Variants in COPRS observed in about 807,000 individuals in gnomAD.
COPRS encodes cooperator of PRMT5.
A neutral mutation model predicts 19.9 loss-of-function variants in COPRS; 11 were observed. That is an observed-to-expected ratio of 0.55 (90% CI 0.35 to 0.92). The LOEUF is 0.92. COPRS is among the 40% of genes least tolerant of loss of function. The pLI is 0.01. For missense variants in COPRS, 225 were observed against 229.9 expected (o/e 0.98, Z 0.14); for synonymous variants, 81 against 82.7 (o/e 0.98, Z 0.11).
chr17:31,852,037 G>A lies in COPRS; in HGVS notation c.*102C>T. On this transcript the variant is annotated 3_prime_UTR_variant, in exon 4 of 4. Coordinates refer to ENST00000302362, the MANE Select transcript of COPRS (RefSeq NM_018405.4). ...CTGGTCTGTGTACCCCAGACTAGGGGTCACTGCAAACATTTTCTCAGATAT... is the reference window on the plus strand; with the variant it reads ...CTGGTCTGTGTACCCCAGACTAGGGATCACTGCAAACATTTTCTCAGATAT... 7.3e-7 allele frequency: 1 copy of A among 1,361,614 alleles called. No individual in the cohort carries two copies. 84.3% of individuals were successfully genotyped at this position (1,361,614 alleles called of 1,614,324 possible).
At chr17:31,857,795 A>C (rs1442820185) in intron 1 of COPRS, among the ~76,000 whole-genome samples, 1 of 152,164 alleles carries the variant, frequency 6.6e-6, no homozygotes, top group Non-Finnish European at 1.5e-5. Flanking sequence ...ATGATTAGAC[A>C]CCATTTATGA....
Position 31,852,813 on chromosome 17 carries a change from A to G in COPRS, c.384T>C (p.Tyr128=), listed in dbSNP as rs1909205000. ...SELKADQGNP[Y]DADDIQESIS... ...GACCCCCAGAGACTCCACACCTACC[A>G]TATGGATTCCCTTGATCTGCTTTCA... The change falls in exon 3 of 4, where the codon TAT becomes TAC. Residue 128 remains tyrosine (Y), a splice_region_variant and synonymous_variant. Coordinates refer to ENST00000302362, the MANE Select transcript of COPRS (RefSeq NM_018405.4). The G allele has an allele frequency of 1.9e-6, 3 of 1,611,364 alleles. No homozygotes were observed. Among genetic ancestry groups the G allele is most frequent in the Non-Finnish European group, 2.5e-6 (3 of 1,177,550 alleles).
At position 31,858,242 on chromosome 17, in the gene COPRS, C is replaced by T. The variant is rs575236440; in HGVS notation, c.99+859G>A. The T allele has an allele frequency of 8.5e-5, 31 of 363,960 alleles. No individual in the cohort carries two copies. In the South Asian group the frequency reaches 2.9e-3, roughly 34 times the overall value. The allele number at this position is 363,960 out of a possible 1,614,324, so 22.5% of individuals were successfully genotyped here. A position where few individuals can be genotyped will look rare whatever the true frequency, so the allele number is the denominator to read the frequency against. ...TGTGCCCTGCACTTTCTCATCTCCA[C>T]GCCTCTGCAGACACCACCAGCCTCT... On this transcript the variant is annotated intron_variant, in intron 1 of 3. Transcript: ENST00000302362.
At chr17:31,858,739 C>G (rs1909436249) in intron 1 of COPRS, 2 of 1,549,898 alleles carry the variant, frequency 1.3e-6, no homozygotes, top group East Asian at 4.9e-5. Flanking sequence ...AGTCAAGTCC[C>G]TCTCCTCGCC....
At chr17:31,856,475 A>G (rs1323122953) in intron 2 of COPRS, 9 of 348,188 alleles carry the variant, frequency 2.6e-5, no homozygotes, top group South Asian at 1.2e-4. Context: ...ATATAGGAGG[A>G]AAAAAAAGCA....
chr17:31,854,701 AG>A (rs1259744530), intron 2 of COPRS, among the ~76,000 whole-genome samples: 4 of 152,266 alleles, frequency 2.6e-5, no homozygotes, highest in African/African-American at 7.2e-5. Context: ...GGAAGAAGCC[AG>A]ACACAAAAGG....
Position 31,856,768 on chromosome 17 carries a change from T to A in COPRS, c.166+31A>T, listed in dbSNP as rs375548670. 68 of 1,388,714 alleles carry A rather than the reference T, an allele frequency of 4.9e-5. No homozygotes were observed. In the Middle Eastern group the frequency reaches 8.9e-4, roughly 18 times the overall value. 86.0% of individuals were successfully genotyped at this position (1,388,714 alleles called of 1,614,324 possible). A position where few individuals can be genotyped will look rare whatever the true frequency, so the allele number is the denominator to read the frequency against. On this transcript the variant is annotated intron_variant, in intron 2 of 3. Coordinates refer to ENST00000302362, the MANE Select transcript of COPRS (RefSeq NM_018405.4). ...TATTCCTCTCCTCACATCCTTGGTC[T>A]CCCCAACTTCCGTCTCTGCCATCTA...
intron 2 of COPRS, among the ~76,000 whole-genome samples, chr17:31,854,363 A>G (rs1236324753): frequency 6.0e-4 from 89 of 148,328 alleles, no homozygotes; most frequent in Non-Finnish European, 1.1e-3. Context: ...TCCAAAAAAA[A>G]AAAAAAAAAA....
chr17:31,853,995 T>A (rs1213758558), intron 2 of COPRS, among the ~76,000 whole-genome samples: 1 of 152,182 alleles, frequency 6.6e-6, no homozygotes, highest in Non-Finnish European at 1.5e-5. Context: ...GTAACAGTGA[T>A]AAGCAATAAA....
chr17:31,856,661 G>A (rs1909364825), intron 2 of COPRS, 138 bp downstream of exon 2: 3 of 721,312 alleles, frequency 4.2e-6, no homozygotes, highest in Non-Finnish European at 4.9e-6. Context: ...TTCCAAAGGA[G>A]GTTACTGTTC....
rs1173304831 is a variant in COPRS at position 31,858,983 on chromosome 17, G to T, written c.99+118C>A. The T allele has an allele frequency of 3.8e-6, 5 of 1,328,590 alleles. No homozygotes were observed. In the African/African-American group the frequency reaches 4.7e-5, roughly 13 times the overall value. 82.3% of individuals were successfully genotyped at this position (1,328,590 alleles called of 1,614,324 possible). A position where few individuals can be genotyped will look rare whatever the true frequency, so the allele number is the denominator to read the frequency against. The stretch of plus-strand genomic sequence containing the variant: ...CAAACAGCGCTCCGTGTCGCGGGGC[G>T]GCCCGAGGCCGGCCAGAGGCGCTTC... On this transcript the variant is annotated intron_variant, in intron 1 of 3. Transcript: ENST00000302362.
intron 1 of COPRS, 117 bp downstream of exon 1, chr17:31,858,984 G>A (rs1213550042): frequency 1.5e-6 from 2 of 1,328,932 alleles, no homozygotes; most frequent in African/African-American, 1.6e-5. Context: ...TCGCGGGGCG[G>A]CCCGAGGCCG....
chr17:31,855,501 A>AAAATAAATAAAT (rs201832910), intron 2 of COPRS, among the ~76,000 whole-genome samples: 311 of 151,518 alleles, frequency 2.1e-3, no homozygotes, highest in African/African-American at 6.9e-3. Flanking sequence ...TCCGTCTCAA[A>AAAATAAATAAAT]AAATAAATAA....
At chr17:31,853,629 C>T (rs1909233706) in intron 2 of COPRS, among the ~76,000 whole-genome samples, 1 of 152,194 alleles carries the variant, frequency 6.6e-6, no homozygotes, top group Non-Finnish European at 1.5e-5. Context: ...ATCCACCCGC[C>T]TCGGCCTCCC....
chr17:31,858,923 C>CCGCGGCCT lies in COPRS; in HGVS notation c.99+170_99+177dup, dbSNP rs957912610. 242 of 1,467,544 alleles carry CCGCGGCCT rather than the reference C, an allele frequency of 1.6e-4. 1 individual carries two copies. In the South Asian group the frequency reaches 2.9e-3, roughly 18 times the overall value. 90.9% of individuals were successfully genotyped at this position (1,467,544 alleles called of 1,614,324 possible). A position where few individuals can be genotyped will look rare whatever the true frequency, so the allele number is the denominator to read the frequency against. On this transcript the variant is annotated intron_variant, in intron 1 of 3. Coordinates refer to ENST00000302362, the MANE Select transcript of COPRS (RefSeq NM_018405.4). ...TTCCCCGCCCCGCAGCCCCGCGGCC[C>CCGCGGCCT]CGCGGCCTGGCCGTTTTCAGCTCGA...
In COPRS at chr17:31,851,920, AACAC is replaced by A; in HGVS notation, c.*215_*218del. The A allele has an allele frequency of 5.6e-6, 3 of 533,948 alleles. No individual in the cohort carries two copies. The highest frequency in any genetic ancestry group is 2.2e-5 in the South Asian group (1 of 46,002). The allele number at this position is 533,948 out of a possible 1,614,324, so 33.1% of individuals were successfully genotyped here. A position where few individuals can be genotyped will look rare whatever the true frequency, so the allele number is the denominator to read the frequency against. Reference sequence around the variant, plus strand: ...AAAGAACACAACTCCTCTTGACACAAACACACACACATTTCAAGGAGGAGCCCAT... The same window carrying A: ...AAAGAACACAACTCCTCTTGACACAAACACACATTTCAAGGAGGAGCCCAT... On this transcript the variant is annotated 3_prime_UTR_variant, in exon 4 of 4. Coordinates refer to ENST00000302362, the MANE Select transcript of COPRS (RefSeq NM_018405.4).
Position 31,852,195 on chromosome 17 carries a change from G to A in COPRS, c.499C>T (p.Pro167Ser), listed in dbSNP as rs1359085701. 1.2e-6 allele frequency: 2 copies of A among 1,614,146 alleles called. No individual in the cohort carries two copies. Among genetic ancestry groups the A allele is most frequent in the South Asian group, 2.2e-5 (2 of 91,082 alleles). The change falls in exon 4 of 4, where the codon CCC (proline) becomes TCC (serine). Residue 167 changes from proline (P) to serine (S), a missense_variant. Pro to Ser is a moderately conservative substitution (Grantham distance 74, BLOSUM62 -1). Transcript: ENST00000302362. Reference protein sequence around the residue: ...PSWHHPPPLIPYYSKMVFETG... With the variant: ...PSWHHPPPLISYYSKMVFETG... ...TCAAAGACCATCTTGGAATAATAGG[G>A]TATCAGTGGAGGCGGATGGTGCCAG...
rs1909456728 is a variant in COPRS, at chr17:31,859,112, G to A, written c.88C>T (p.Pro30Ser). The part of the protein sequence containing the change: ...PPLPSARGAP[P>S]SPEAGFATAD... ...CACGCGGCGCTCACCTCCGGGCTGG[G>A]GGGCGCCCCCCGCGCGCTAGGCAGC... is the stretch of plus-strand genomic sequence containing the variant. The change falls in exon 1 of 4, where the codon CCC becomes TCC. Residue 30 changes from proline to serine, a missense_variant. Around this residue, in one of 3 missense-constraint regions of COPRS, gnomAD observed 51 missense variants for 39.2 expected, o/e 1.30. Transcript: ENST00000302362. 9.1e-7 allele frequency: 1 copy of A among 1,093,106 alleles called. No homozygotes were observed. The highest frequency in any genetic ancestry group is 1.1e-6 in the Non-Finnish European group (1 of 902,500). The allele number at this position is 1,093,106 out of a possible 1,614,324, so 67.7% of individuals were successfully genotyped here.
intron 1 of COPRS, chr17:31,858,884 C>T: frequency 3.3e-6 from 5 of 1,533,682 alleles, no homozygotes; most frequent in Non-Finnish European, 4.4e-6. Context: ...GAGCGCCCAC[C>T]CACGCCCTCG....
Sources: gnomAD v4.1 joint callset for allele counts (sites outside exome capture counted in the v4.1 genomes callset) on GRCh38, gnomAD v4.1.1 for gene constraint, gnomAD v4.1.1 regional missense constraint, MANE v1.5 for transcripts, NCBI Gene and HGNC (gene_info 2026-07-23, HGNC 2026-07-21) for gene names.